The following LMAN1L variants were observed in gnomAD, a reference collection of about 807,000 sequenced individuals.
LMAN1L encodes the protein lectin, mannose binding 1 like.
In LMAN1L, 60 loss-of-function variants were observed where a neutral mutation model predicts 58.3. That is an observed-to-expected ratio of 1.03 (90% confidence interval 0.84 to 1.27). LMAN1L has a LOEUF of 1.27. Among genes scored for constraint, LMAN1L ranks in the 50% most tolerant of loss-of-function variants. The probability of loss-of-function intolerance (pLI) is 0.00; values close to 1 mark genes in which losing one functional copy is unlikely to be tolerated. For missense variants in LMAN1L, 629 were observed against 674.0 expected (o/e 0.93, Z 0.74); for synonymous variants, 280 against 271.6 (o/e 1.03, Z -0.31).
chr15:74,823,710 G>A, intron 12 of LMAN1L, 28 bp downstream of exon 12: 2 of 1,607,958 alleles, frequency 1.2e-6, no homozygotes, highest in Non-Finnish European at 1.7e-6. Context: ...GGCAGCATGG[G>A]GTCCCCAACC....
At chr15:74,816,773 G>T in intron 4 of LMAN1L, 83 bp downstream of exon 4, 2 of 1,350,070 alleles carry the variant, frequency 1.5e-6, no homozygotes, top group South Asian at 2.7e-5. Context: ...CCCTGCCCCA[G>T]CCTCCTCCAG....
chr15:74,821,140 G>A lies in LMAN1L; in HGVS notation c.973G>A (p.Gly325Ser). The A allele has an allele frequency of 1.9e-6, 3 of 1,559,170 alleles. No individual in the cohort carries two copies. Among genetic ancestry groups the A allele is most frequent in the Non-Finnish European group, 2.6e-6 (3 of 1,151,514 alleles). The stretch of plus-strand genomic sequence containing the variant: ...CCGCCGGATCCTGCAGGCTCTGCGG[G>A]GTCTCTCCAAGCAGCTGGCCCAGGC... The part of the protein sequence containing the change: ...RHRRILQALR[G>S]LSKQLAQAER... Residue 325 changes from glycine to serine, a missense_variant, in exon 9 of 14, where the codon GGT becomes AGT. By Grantham distance (56) the Gly-to-Ser change is moderately conservative. Transcript: ENST00000309664.
intron 5 of LMAN1L, 109 bp downstream of exon 5, chr15:74,818,926 G>A: frequency 9.4e-7 from 1 of 1,067,718 alleles, no homozygotes; most frequent in Non-Finnish European, 1.4e-6. Context: ...GAGGTCCCTG[G>A]CACACACGGG....
At chr15:74,820,241 C>A in intron 7 of LMAN1L, 142 bp downstream of exon 7, 1 of 799,554 alleles carries the variant, frequency 1.3e-6, no homozygotes. Context: ...TTGTGCAGGG[C>A]AGTGCTGCGG....
intron 4 of LMAN1L, among the ~76,000 whole-genome samples, chr15:74,817,545 C>T (rs998641916): frequency 1.3e-5 from 2 of 152,152 alleles, no homozygotes; most frequent in African/African-American, 4.8e-5. Context: ...CACTCTTCTC[C>T]TGACTCCCCA....
chr15:74,813,752 G>C (rs561045684), intron 1 of LMAN1L, among the ~76,000 whole-genome samples: 1 of 152,306 alleles, frequency 6.6e-6, no homozygotes, highest in East Asian at 1.9e-4. Flanking sequence ...CCTGAGAGTT[G>C]GGCCATGGAT....
intron 13 of LMAN1L, 49 bp from the exon 14 acceptor site, chr15:74,825,427 C>T (rs1023486754): frequency 1.3e-6 from 2 of 1,571,904 alleles, no homozygotes; most frequent in Non-Finnish European, 1.7e-6. Context: ...TTTTCAAAAG[C>T]CCATAAAGGA....
At chr15:74,822,572 C>T in intron 10 of LMAN1L, 70 bp from the exon 11 acceptor site, 2 of 1,290,924 alleles carry the variant, frequency 1.5e-6, no homozygotes, top group Non-Finnish European at 2.2e-6. Flanking sequence ...TGCAGTGCCG[C>T]TGGGAAGGTG....
intron 1 of LMAN1L, among the ~76,000 whole-genome samples, chr15:74,815,789 CGTG>C (rs2063887698): frequency 6.6e-6 from 1 of 152,204 alleles, no homozygotes. Flanking sequence ...AAATCTCTCT[CGTG>C]GTGGAAAAAG....
intron 11 of LMAN1L, among the ~76,000 whole-genome samples, chr15:74,822,918 T>C (rs1288309808): frequency 6.6e-6 from 1 of 152,174 alleles, no homozygotes; most frequent in Non-Finnish European, 1.5e-5. Context: ...AAAGCAATTC[T>C]CTCCTGGAGA....
chr15:74,816,014 G>T, intron 1 of LMAN1L, 143 bp from the exon 2 acceptor site: 1 of 1,064,912 alleles, frequency 9.4e-7, no homozygotes, highest in Admixed American at 2.7e-5. Context: ...TCTGACTCCT[G>T]CTTCCCTGGC....
At chr15:74,816,595 A>C in intron 3 of LMAN1L, 37 bp from the exon 4 acceptor site, 1 of 1,602,748 alleles carries the variant, frequency 6.2e-7, no homozygotes, top group South Asian at 1.1e-5. Context: ...CCCTCCCGCC[A>C]TGTCCGCGGC....
chr15:74,824,791 C>T (rs1328406441), intron 13 of LMAN1L: 1 of 263,642 alleles, frequency 3.8e-6, no homozygotes, highest in Non-Finnish European at 7.2e-6. Flanking sequence ...CACTTGACCC[C>T]CCTTGGTTAG....
At chr15:74,820,552 C>G (rs562532851) in intron 7 of LMAN1L, 83 bp from the exon 8 acceptor site, 13 of 1,568,560 alleles carry the variant, frequency 8.3e-6, no homozygotes, top group Non-Finnish European at 1.1e-5. Context: ...AGGCTGGGCT[C>G]GTGGGGAAGC....
intron 12 of LMAN1L, chr15:74,823,943 G>A (rs112297944): frequency 0.054 from 28,648 of 535,300 alleles, 993 homozygotes; most frequent in Middle Eastern, 0.11. Flanking sequence ...GACACCCCTC[G>A]ATCCAATATC....
chr15:74,819,625 G>A (rs1459119172), intron 6 of LMAN1L: 15 of 486,208 alleles, frequency 3.1e-5, no homozygotes, highest in Middle Eastern at 5.2e-4. Flanking sequence ...CAACCAGAGC[G>A]TGGGAGTCCT....
At chr15:74,817,404 C>T (rs916987809) in intron 4 of LMAN1L, among the ~76,000 whole-genome samples, 1 of 152,228 alleles carries the variant, frequency 6.6e-6, no homozygotes, top group African/African-American at 2.4e-5. Context: ...TAGCTCGGGG[C>T]ACAAACCCAG....
intron 4 of LMAN1L, among the ~76,000 whole-genome samples, chr15:74,818,515 G>A (rs2063902504): frequency 6.6e-6 from 1 of 152,154 alleles, no homozygotes; most frequent in Non-Finnish European, 1.5e-5. Context: ...CCAACAATGT[G>A]AAACCCCATC....
At chr15:74,822,378 A>C (rs2063921000) in intron 10 of LMAN1L, among the ~76,000 whole-genome samples, 1 of 152,188 alleles carries the variant, frequency 6.6e-6, no homozygotes, top group African/African-American at 2.4e-5. Flanking sequence ...TAAATAAATA[A>C]GAAGGGAGAA....
Sources: gnomAD v4.1 joint callset for allele counts (sites outside exome capture counted in the v4.1 genomes callset) on GRCh38, gnomAD v4.1.1 for gene constraint, MANE v1.5 for transcripts, NCBI Gene and HGNC (gene_info 2026-07-23, HGNC 2026-07-21) for gene names.